The following MTUS2 variants were observed in gnomAD, a reference collection of about 807,000 sequenced individuals.
The protein encoded by MTUS2 is microtubule associated scaffold protein 2, also known as microtubule-associated tumor suppressor candidate 2.
MTUS2 carries 40 observed loss-of-function variants against 114.1 expected under a neutral mutation model. The ratio of observed to expected loss-of-function variants is 0.35; its 90% CI spans 0.27 to 0.46. The LOEUF (loss-of-function observed/expected upper bound fraction) is 0.46. Among genes scored for constraint, MTUS2 ranks in the 20% least tolerant of loss-of-function variants. The pLI is 1.00. For missense variants in MTUS2, 1,679 were observed against 1,705.4 expected (o/e 0.98, Z 0.27); for synonymous variants, 688 against 672.0 (o/e 1.02, Z -0.37).
chr13:29,254,564 CAT>C (rs574097856), intron 5 of MTUS2, among the ~76,000 whole-genome samples: 1 of 152,246 alleles, frequency 6.6e-6, no homozygotes, highest in Non-Finnish European at 1.5e-5. Context: ...GCCAGAAACT[CAT>C]AGCCTTCTCT....
chr13:29,156,315 A>G (rs554354157), intron 5 of MTUS2, among the ~76,000 whole-genome samples: 1 of 152,326 alleles, frequency 6.6e-6, no homozygotes, highest in East Asian at 1.9e-4. Context: ...CATGGGTGTC[A>G]GTATAGATCC....
chr13:28,827,297 T>C (rs894915206), intron 1 of MTUS2, among the ~76,000 whole-genome samples: 3 of 152,206 alleles, frequency 2.0e-5, no homozygotes, highest in Admixed American at 6.5e-5. Context: ...CTAGCAAGTA[T>C]TCTTTTTTTT....
intron 5 of MTUS2, among the ~76,000 whole-genome samples, chr13:29,181,547 G>A (rs752046567): frequency 6.6e-6 from 1 of 152,146 alleles, no homozygotes; most frequent in Admixed American, 6.6e-5. Context: ...ATGGTTCTGG[G>A]GCAGGAGCTC....
chr13:29,448,571 C>T (rs1322525854), intron 9 of MTUS2, among the ~76,000 whole-genome samples: 1 of 151,542 alleles, frequency 6.6e-6, no homozygotes, highest in African/African-American at 2.4e-5. Context: ...ACAAAGCTGC[C>T]TCCTGTGCCT....
chr13:29,433,839 T>G (rs1877199594), intron 8 of MTUS2, among the ~76,000 whole-genome samples: 1 of 152,328 alleles, frequency 6.6e-6, no homozygotes, highest in South Asian at 2.1e-4. Context: ...AAAAAAACCT[T>G]TAACCTTTTT....
At chr13:29,015,676 A>G (rs1030810391) in intron 2 of MTUS2, among the ~76,000 whole-genome samples, 3 of 152,206 alleles carry the variant, frequency 2.0e-5, no homozygotes, top group African/African-American at 7.2e-5. Flanking sequence ...ACAAAAACTG[A>G]AGACAACCTA....
intron 2 of MTUS2, among the ~76,000 whole-genome samples, chr13:28,881,334 C>G (rs575219788): frequency 6.6e-6 from 1 of 152,178 alleles, no homozygotes; most frequent in Non-Finnish European, 1.5e-5. Context: ...GCATAGTATT[C>G]CATAATGTAT....
chr13:29,098,447 AACACACAC>A (rs56898077), intron 4 of MTUS2, among the ~76,000 whole-genome samples: 24 of 151,440 alleles, frequency 1.6e-4, no homozygotes, highest in Admixed American at 1.2e-3. Flanking sequence ...AAGTCATCTA[AACACACAC>A]ACACACACAC....
intron 5 of MTUS2, among the ~76,000 whole-genome samples, chr13:29,181,322 C>T (rs968699405): frequency 6.6e-6 from 1 of 152,172 alleles, no homozygotes; most frequent in Non-Finnish European, 1.5e-5. Context: ...ACAGAACTGA[C>T]AACCTGGCCA....
chr13:29,415,085 G>A lies in MTUS2; in HGVS notation c.3118-24898G>A, dbSNP rs891222994. Among the ~76,000 whole-genome samples the A allele has an allele frequency of 2.1e-4, 31 of 151,196 alleles. 1 individual carries two copies. Among genetic ancestry groups the A allele is most frequent in the Admixed American group, 1.7e-3 (26 of 15,198 alleles). ...TTAATAGGCTTCCTGAATTTTTCAG[G>A]TGGAAGATCTTTTTGTTTTTAGTTT... On this transcript the variant is annotated intron_variant, in intron 8 of 15. Coordinates refer to ENST00000612955, the MANE Select transcript of MTUS2 (RefSeq NM_001033602.4).
At chr13:29,376,967 A>C (rs557395545) in intron 8 of MTUS2, among the ~76,000 whole-genome samples, 1 of 130,866 alleles carries the variant, frequency 7.6e-6, no homozygotes, top group Non-Finnish European at 1.7e-5. Flanking sequence ...GAAAAACTGG[A>C]GTAGCTATAT....
At chr13:29,337,139 CA>C (rs1206437791) in intron 7 of MTUS2, among the ~76,000 whole-genome samples, 1 of 151,806 alleles carries the variant, frequency 6.6e-6, no homozygotes, top group East Asian at 1.9e-4. Context: ...GCCCCCTTTC[CA>C]GGGGGGTGAA....
intron 2 of MTUS2, among the ~76,000 whole-genome samples, chr13:28,904,397 T>TAAGTAA (rs1404465631): frequency 1.3e-5 from 2 of 152,224 alleles, no homozygotes; most frequent in Non-Finnish European, 2.9e-5. Context: ...GTCTAACATG[T>TAAGTAA]AAGTCTTTAA....
chr13:29,025,006 C>T lies in MTUS2; in HGVS notation c.308C>T (p.Thr103Ile), dbSNP rs1464006007. Residue 103 changes from threonine to isoleucine, a missense_variant, in exon 3 of 16, where the codon ACC (threonine) becomes ATC (isoleucine). Around this residue, in one of 3 missense-constraint regions of MTUS2, gnomAD observed 843 missense variants for 770.8 expected, o/e 1.09. Coordinates refer to ENST00000612955, the MANE Select transcript of MTUS2 (RefSeq NM_001033602.4). ...ASLKDFRLSS[T>I]IQRELNEEHT... Reference sequence around the variant, plus strand: ...CTGAAAGATTTTAGACTTTCTTCAACCATTCAGAGGGAACTCAATGAAGAG... The same window carrying T: ...CTGAAAGATTTTAGACTTTCTTCAATCATTCAGAGGGAACTCAATGAAGAG... 15 of 1,613,892 alleles carry T rather than the reference C, an allele frequency of 9.3e-6. No individual in the cohort carries two copies. Among genetic ancestry groups the T allele is most frequent in the Non-Finnish European group, 1.3e-5 (15 of 1,179,880 alleles).
chr13:28,993,912 A>G (rs1340746136), intron 2 of MTUS2, among the ~76,000 whole-genome samples: 1 of 150,608 alleles, frequency 6.6e-6, no homozygotes, highest in Non-Finnish European at 1.5e-5. Flanking sequence ...TTTATTTTTT[A>G]TTATTATACT....
At chr13:29,249,461 A>C (rs1468982777) in intron 5 of MTUS2, among the ~76,000 whole-genome samples, 2 of 152,102 alleles carry the variant, frequency 1.3e-5, no homozygotes, top group South Asian at 2.1e-4. Context: ...CCACAGCCTC[A>C]CCAGCATCTG....
In MTUS2 at chr13:29,304,910, T is replaced by TA. The variant is rs543560596; in HGVS notation, c.2807-19694dup. On this transcript the variant is annotated intron_variant, in intron 6 of 15. Coordinates refer to ENST00000612955, the MANE Select transcript of MTUS2 (RefSeq NM_001033602.4). ...GAAGTAAAACACTTCTCAGCAAATG[T>TA]AAAAAAAAACAACAAATCATAACAG... Among the ~76,000 whole-genome samples the TA allele has an allele frequency of 4.2e-4, 63 of 150,676 alleles. 1 individual carries two copies. Among genetic ancestry groups the TA allele is most frequent in the South Asian group, 2.3e-3 (11 of 4,754 alleles).
intron 2 of MTUS2, among the ~76,000 whole-genome samples, chr13:28,845,604 TGGAA>T (rs1875819735): frequency 6.6e-6 from 1 of 151,864 alleles, no homozygotes; most frequent in Non-Finnish European, 1.5e-5. Context: ...ACTTATTTAA[TGGAA>T]GGACTGGCTT....
chr13:28,940,594 G>C (rs1364945908), intron 2 of MTUS2, among the ~76,000 whole-genome samples: 1 of 151,870 alleles, frequency 6.6e-6, no homozygotes. Context: ...ACTAGAAATA[G>C]AACTATAAGA....
Sources: gnomAD v4.1 joint callset for allele counts (sites outside exome capture counted in the v4.1 genomes callset) on GRCh38, gnomAD v4.1.1 for gene constraint, gnomAD v4.1.1 regional missense constraint, MANE v1.5 for transcripts, NCBI Gene and HGNC (gene_info 2026-07-23, HGNC 2026-07-21) for gene names.